Variants in CRYL1 observed in about 807,000 individuals in gnomAD.
CRYL1 encodes crystallin lambda 1, also known as lambda-crystallin homolog.
Under a neutral mutation model 36.6 loss-of-function variants are expected in CRYL1, and 29 were observed. That is an observed-to-expected ratio of 0.79 (90% confidence interval 0.59 to 1.08). The LOEUF (loss-of-function observed/expected upper bound fraction) is 1.08. CRYL1 is among the 50% of genes least tolerant of loss of function. The pLI is 0.00. For synonymous variants in CRYL1, 152 were observed against 151.5 expected (o/e 1.00, Z -0.02); for missense variants, 411 against 407.9 (o/e 1.01, Z -0.06).
intron 6 of CRYL1, among the ~76,000 whole-genome samples, chr13:20,409,032 G>A (rs1188532088): frequency 3.3e-5 from 5 of 152,110 alleles, no homozygotes; most frequent in African/African-American, 1.2e-4. Context: ...AACAGAGCCC[G>A]CATCACCAAG....
chr13:20,426,768 G>A (rs1379861015), intron 5 of CRYL1: 1 of 985,284 alleles, frequency 1.0e-6, no homozygotes, highest in Non-Finnish European at 1.2e-6. Flanking sequence ...CTAACAGTTG[G>A]CAGACATGTC....
chr13:20,510,882 A>G (rs1402258426), intron 2 of CRYL1, among the ~76,000 whole-genome samples: 1 of 151,980 alleles, frequency 6.6e-6, no homozygotes, highest in Admixed American at 6.6e-5. Flanking sequence ...TTAATACAGT[A>G]AGATTACTAG....
rs1361290805 is a variant in CRYL1 at position 20,432,111 on chromosome 13, C to A, written c.624G>T (p.Arg208=). 1 of 1,614,004 alleles carries A rather than the reference C, an allele frequency of 6.2e-7. No individual in the cohort carries two copies. Among genetic ancestry groups the A allele is most frequent in the Non-Finnish European group, 8.5e-7 (1 of 1,180,026 alleles). The stretch of plus-strand genomic sequence containing the variant: ...GGACGGGCACACACACCTCCACTAG[C>A]CGCCAGGCCTCGCTGATGATTGCAT... ...LQYAIISEAW[R]LVEEGIVSPS... Residue 208 remains arginine, a synonymous_variant, in exon 5 of 8, where the codon CGG becomes CGT. Coordinates refer to ENST00000298248, the MANE Select transcript of CRYL1 (RefSeq NM_015974.3).
intron 3 of CRYL1, among the ~76,000 whole-genome samples, chr13:20,458,848 G>A (rs1565970924): frequency 6.6e-6 from 1 of 152,178 alleles, no homozygotes; most frequent in Non-Finnish European, 1.5e-5. Context: ...AAGCAGAGTA[G>A]AATCTCTCAA....
chr13:20,522,379 C>A (rs2034111311), intron 1 of CRYL1, among the ~76,000 whole-genome samples: 1 of 151,616 alleles, frequency 6.6e-6, no homozygotes, highest in African/African-American at 2.4e-5. Context: ...TCACCCCAAA[C>A]AAAATTTTGG....
At chr13:20,493,980 C>T (rs2033561635) in intron 2 of CRYL1, among the ~76,000 whole-genome samples, 1 of 152,192 alleles carries the variant, frequency 6.6e-6, no homozygotes, top group South Asian at 2.1e-4. Flanking sequence ...CAACCCTCAT[C>T]AAGAGCAGAA....
At chr13:20,493,527 G>A (rs1240685506) in intron 2 of CRYL1, among the ~76,000 whole-genome samples, 1 of 152,190 alleles carries the variant, frequency 6.6e-6, no homozygotes, top group Non-Finnish European at 1.5e-5. Context: ...AGGTGAGGCT[G>A]CACATCCCTG....
At chr13:20,475,213 G>A (rs1446834539) in intron 3 of CRYL1, among the ~76,000 whole-genome samples, 9 of 152,034 alleles carry the variant, frequency 5.9e-5, no homozygotes, top group South Asian at 4.1e-4. Context: ...GGGCCTCCCC[G>A]CATTCCCAGA....
chr13:20,419,165 A>G (rs910937618), intron 5 of CRYL1: 1 of 152,232 alleles, frequency 6.6e-6, no homozygotes, highest in Non-Finnish European at 1.5e-5. Flanking sequence ...GACCCAGACA[A>G]GAACAGTCAC....
At chr13:20,492,674 T>C (rs4363719) in intron 2 of CRYL1, among the ~76,000 whole-genome samples, 49,247 of 152,016 alleles carry the variant, frequency 0.32, 8,153 homozygotes, top group Admixed American at 0.4. Context: ...TCCAGGATAA[T>C]CTCCCCATCT....
At position 20,404,152 on chromosome 13, in the gene CRYL1, T is replaced by G; in HGVS notation, c.937A>C (p.Lys313Gln). 1 of 1,613,794 alleles carries G rather than the reference T, an allele frequency of 6.2e-7. No individual in the cohort carries two copies. The highest frequency in any genetic ancestry group is 8.5e-7 in the Non-Finnish European group (1 of 1,179,726). ...DECLMRLAKL[K>Q]SQVQPQ is the part of the protein sequence containing the mutation. ...ATTCACTGGGGCTGCACTTGACTCTTCAACTTGGCGAGTCTCATGAGGCAC... is the reference window on the plus strand; with the variant it reads ...ATTCACTGGGGCTGCACTTGACTCTGCAACTTGGCGAGTCTCATGAGGCAC... The change falls in exon 8 of 8, where the codon AAG becomes CAG. Residue 313 changes from lysine (K) to glutamine (Q), a missense_variant. Transcript: ENST00000298248.
At chr13:20,479,840 G>C (rs1353967605) in intron 3 of CRYL1, among the ~76,000 whole-genome samples, 2 of 152,144 alleles carry the variant, frequency 1.3e-5, no homozygotes, top group Non-Finnish European at 2.9e-5. Flanking sequence ...CCCAGCCCTG[G>C]GGACAGAGCA....
At position 20,429,922 on chromosome 13, in the gene CRYL1, C is replaced by T. The variant is rs886239155; in HGVS notation, c.633+2180G>A. 7.9e-5 allele frequency among the ~76,000 whole-genome samples: 12 copies of T among 152,312 alleles called. No individual in the cohort carries two copies. The East Asian group carries it at 1.7e-3, about 22-fold the overall frequency. On this transcript the variant is annotated intron_variant, in intron 5 of 7. Coordinates refer to ENST00000298248, the MANE Select transcript of CRYL1 (RefSeq NM_015974.3). ...CTGGCACGCTGGTTGTGACCTTGCT[C>T]CTGAAGTAGCTGGCCAACGGAGGTG...
chr13:20,524,567 G>A (rs1051762684), intron 1 of CRYL1, among the ~76,000 whole-genome samples: 1 of 152,124 alleles, frequency 6.6e-6, no homozygotes, highest in Non-Finnish European at 1.5e-5. Flanking sequence ...AGTAGAGACG[G>A]AGTTTCTCCA....
chr13:20,452,053 T>G lies in CRYL1; in HGVS notation c.277-12299A>C, dbSNP rs140227775. ...CAGGAACAGAAAACCAAATACCACA[T>G]GTCCTCACTTATAAGTGGGAGCTAA... On this transcript the variant is annotated intron_variant, in intron 3 of 7. Transcript: ENST00000298248. Among the ~76,000 whole-genome samples the G allele has an allele frequency of 4.1e-3, 621 of 152,136 alleles. 10 individuals are homozygous for G. The highest frequency in any genetic ancestry group is 0.014 in the African/African-American group (596 of 41,488).
rs146313080 is a variant in CRYL1, at chr13:20,471,498, G to T, written c.276+17872C>A. 2.6e-5 allele frequency among the ~76,000 whole-genome samples: 4 copies of T among 151,946 alleles called. No homozygotes were observed. In the South Asian group the frequency reaches 8.3e-4, roughly 32 times the overall value. ...CGGTCGCCTGTAGTCCCAGCTACTC[G>T]GGAGGCTGAGGTAGGAGAATGGCGT... On this transcript the variant is annotated intron_variant, in intron 3 of 7. Transcript: ENST00000298248.
chr13:20,477,570 C>T (rs1005841302), intron 3 of CRYL1, among the ~76,000 whole-genome samples: 5 of 149,446 alleles, frequency 3.3e-5, no homozygotes, highest in South Asian at 2.1e-4. Flanking sequence ...CAGGACCTGG[C>T]CCATAGTAAG....
chr13:20,494,033 A>T (rs1016306868), intron 2 of CRYL1, among the ~76,000 whole-genome samples: 1 of 152,240 alleles, frequency 6.6e-6, no homozygotes, highest in Non-Finnish European at 1.5e-5. Context: ...GGCCTAGCGC[A>T]GACTTTGTTT....
In CRYL1 at chr13:20,404,030, C is replaced by T. The variant is rs1314581016; in HGVS notation, c.*99G>A. 9.9e-6 allele frequency: 8 copies of T among 809,126 alleles called. No homozygotes were observed. The highest frequency in any genetic ancestry group is 2.0e-5 in the Admixed American group (1 of 50,022). 50.1% of individuals were successfully genotyped at this position (809,126 alleles called of 1,614,324 possible). On this transcript the variant is annotated 3_prime_UTR_variant, in exon 8 of 8. Transcript: ENST00000298248. ...CACAAGACAGCCAGCTTAGGATCTC[C>T]GTGGGCTGCTACCTATGTCACAGAG...
Sources: gnomAD v4.1 joint callset for allele counts (sites outside exome capture counted in the v4.1 genomes callset) on GRCh38, gnomAD v4.1.1 for gene constraint, MANE v1.5 for transcripts, NCBI Gene and HGNC (gene_info 2026-07-23, HGNC 2026-07-21) for gene names.